Variants in UNC13C observed in about 807,000 individuals in gnomAD.
UNC13C encodes protein unc-13 homolog C.
A neutral mutation model predicts 245.4 loss-of-function variants in UNC13C; 174 were observed. That is an observed-to-expected ratio of 0.71 (90% CI 0.63 to 0.80). The LOEUF is 0.80. UNC13C is among the 30% of genes least tolerant of loss of function. The pLI is 0.00. For missense variants in UNC13C, 2,829 were observed against 2,602.9 expected, an observed-to-expected ratio of 1.09 and a Z score of -1.89; for synonymous variants, 992 against 895.1, an observed-to-expected ratio of 1.11 and a Z score of -1.93.
At chr15:54,270,330 G>A (rs965622463) in intron 10 of UNC13C, among the ~76,000 whole-genome samples, 2 of 152,126 alleles carry the variant, frequency 1.3e-5, no homozygotes, top group Non-Finnish European at 2.9e-5. Flanking sequence ...GTGAACTGGG[G>A]TGGAAAAATA....
intron 18 of UNC13C, among the ~76,000 whole-genome samples, chr15:54,405,843 G>C (rs1162793375): frequency 2.6e-5 from 4 of 152,196 alleles, no homozygotes; most frequent in Non-Finnish European, 2.9e-5. Flanking sequence ...TGTTAGCTTT[G>C]CAAATGTTAC....
intron 2 of UNC13C, among the ~76,000 whole-genome samples, chr15:54,018,806 G>A (rs895672772): frequency 6.6e-6 from 1 of 152,144 alleles, no homozygotes; most frequent in African/African-American, 2.4e-5. Flanking sequence ...CTAGAGGCAA[G>A]TTGTCTTTTT....
At chr15:54,257,790 C>T (rs1454400656) in intron 8 of UNC13C, among the ~76,000 whole-genome samples, 1 of 152,162 alleles carries the variant, frequency 6.6e-6, no homozygotes, top group African/African-American at 2.4e-5. Flanking sequence ...AGCCTGCTAA[C>T]TTGAAGACTG....
At chr15:54,622,231 C>T (rs1900838909) in intron 30 of UNC13C, 96 bp from the exon 31 acceptor site, 2 of 840,356 alleles carry the variant, frequency 2.4e-6, no homozygotes, top group African/African-American at 3.3e-5. Flanking sequence ...CTATTCATTT[C>T]CAATAATACA....
At chr15:54,381,900 T>A (rs1365751449) in intron 17 of UNC13C, among the ~76,000 whole-genome samples, 2 of 152,196 alleles carry the variant, frequency 1.3e-5, no homozygotes, top group Non-Finnish European at 2.9e-5. Context: ...TGCGACCAAA[T>A]GAATCTAACA....
At chr15:54,242,843 A>G (rs1235688399) in intron 7 of UNC13C, among the ~76,000 whole-genome samples, 1 of 152,202 alleles carries the variant, frequency 6.6e-6, no homozygotes, top group Non-Finnish European at 1.5e-5. Flanking sequence ...ATTTTTCACC[A>G]CACAATTTTC....
intron 30 of UNC13C, among the ~76,000 whole-genome samples, chr15:54,582,996 T>A (rs1898274132): frequency 6.6e-6 from 1 of 152,326 alleles, no homozygotes; most frequent in Admixed American, 6.5e-5. Context: ...CGGGCTTGTT[T>A]GACCACAGAT....
rs192312566 is a variant in UNC13C at position 54,417,567 on chromosome 15, A to G, written c.4933+2500A>G. ...ACTGGGGACTTGGGTACAATTCTGC[A>G]TAACTGTATTTTCCATATTTAACTA... is the stretch of plus-strand genomic sequence containing the variant. On this transcript the variant is annotated intron_variant, in intron 19 of 32. Transcript: ENST00000260323. Among the ~76,000 whole-genome samples, 66 of 152,276 alleles carry G rather than the reference A, an allele frequency of 4.3e-4. 1 individual carries two copies. In the East Asian group the frequency reaches 0.012, roughly 27 times the overall value.
chr15:53,857,512 A>G, the UNC13C span, among the ~76,000 whole-genome samples: 4 of 152,192 alleles, frequency 2.6e-5, no homozygotes, highest in African/African-American at 9.6e-5. Context: ...GAGAATTTTT[A>G]GAAGTCTTAA....
the UNC13C span, among the ~76,000 whole-genome samples, chr15:53,853,998 A>G: frequency 6.6e-6 from 1 of 151,984 alleles, no homozygotes; most frequent in Non-Finnish European, 1.5e-5. Context: ...CTTTAGTTTA[A>G]TGAGATCCCA....
At chr15:53,996,118 G>C (rs1361298984) in intron 1 of UNC13C, among the ~76,000 whole-genome samples, 1 of 152,214 alleles carries the variant, frequency 6.6e-6, no homozygotes, top group Non-Finnish European at 1.5e-5. Flanking sequence ...GTGGTGAGAA[G>C]TGATTCCATT....
chr15:54,275,862 T>G (rs1265259044), intron 10 of UNC13C, among the ~76,000 whole-genome samples: 1 of 152,116 alleles, frequency 6.6e-6, no homozygotes, highest in Non-Finnish European at 1.5e-5. Context: ...ACCCCAAGTC[T>G]TCATCAATAG....
intron 17 of UNC13C, among the ~76,000 whole-genome samples, chr15:54,348,009 C>T (rs2140835191): frequency 6.6e-6 from 1 of 152,244 alleles, no homozygotes; most frequent in South Asian, 2.1e-4. Context: ...GTTGTATATA[C>T]TAATTCTAGA....
the UNC13C span, among the ~76,000 whole-genome samples, chr15:53,956,096 G>A: frequency 6.6e-6 from 1 of 152,164 alleles, no homozygotes; most frequent in Non-Finnish European, 1.5e-5. Context: ...AACACCACAT[G>A]TTCTCACTTA....
intron 30 of UNC13C, among the ~76,000 whole-genome samples, chr15:54,589,406 C>G (rs902717552): frequency 7.4e-6 from 1 of 135,536 alleles, no homozygotes; most frequent in Non-Finnish European, 1.5e-5. Flanking sequence ...TCAAGTGATT[C>G]TCCTGCCTCA....
At chr15:54,198,032 G>A (rs1275255728) in intron 4 of UNC13C, among the ~76,000 whole-genome samples, 1 of 152,106 alleles carries the variant, frequency 6.6e-6, no homozygotes, top group Non-Finnish European at 1.5e-5. Context: ...TGGGAGTGGG[G>A]TGAGGCTTGT....
intron 4 of UNC13C, among the ~76,000 whole-genome samples, chr15:54,188,766 C>T (rs550896091): frequency 6.6e-6 from 1 of 152,198 alleles, no homozygotes; most frequent in African/African-American, 2.4e-5. Flanking sequence ...GTATCATGAT[C>T]CCTATTTATT....
intron 4 of UNC13C, among the ~76,000 whole-genome samples, chr15:54,184,915 C>G (rs1319564720): frequency 6.6e-6 from 1 of 152,118 alleles, no homozygotes; most frequent in Non-Finnish European, 1.5e-5. Flanking sequence ...TTCTCCACAT[C>G]CTCTCCAGCA....
intron 4 of UNC13C, among the ~76,000 whole-genome samples, chr15:54,224,989 A>T (rs2035334326): frequency 6.7e-6 from 1 of 149,386 alleles, no homozygotes; most frequent in Non-Finnish European, 1.5e-5. Context: ...TATTGTTTGC[A>T]ATATTTCCCT....
Sources: gnomAD v4.1 joint callset for allele counts (sites outside exome capture counted in the v4.1 genomes callset) on GRCh38, gnomAD v4.1.1 for gene constraint, MANE v1.5 for transcripts, NCBI Gene and HGNC (gene_info 2026-07-23, HGNC 2026-07-21) for gene names.